Variants in CRIM1 observed in about 807,000 individuals in gnomAD.
CRIM1 encodes cysteine rich transmembrane BMP regulator 1.
Under a neutral mutation model 116.4 loss-of-function variants are expected in CRIM1, and 32 were observed. The observed-to-expected ratio is 0.27, with a 90% CI of 0.21 to 0.37. The LOEUF (loss-of-function observed/expected upper bound fraction) is 0.37. Ranked by LOEUF, CRIM1 falls within the 10% of genes least tolerant of loss-of-function variation. The pLI, the probability that CRIM1 is intolerant of heterozygous loss-of-function variation, is 1.00. For synonymous variants in CRIM1, 590 were observed against 509.2 expected (o/e 1.16, Z -2.13); for missense variants, 1,331 against 1,354.8 (o/e 0.98, Z 0.28).
chr2:36,423,257 G>A lies in CRIM1; in HGVS notation c.506-18001G>A, dbSNP rs72787257. 3.5e-3 allele frequency among the ~76,000 whole-genome samples: 530 copies of A among 152,322 alleles called. 4 individuals are homozygous for A. Among genetic ancestry groups the A allele is most frequent in the Non-Finnish European group, 6.1e-3 (417 of 68,024 alleles). ...CCTATACTGGGGATCCTAAGCTAGA[G>A]TCAGCTTGGACTCGTTGAACCACGT... is the stretch of plus-strand genomic sequence containing the variant. On this transcript the variant is annotated intron_variant, in intron 2 of 16. Transcript: ENST00000280527.
At chr2:36,446,207 C>T (rs1676231296) in intron 4 of CRIM1, among the ~76,000 whole-genome samples, 2 of 152,160 alleles carry the variant, frequency 1.3e-5, no homozygotes, top group African/African-American at 4.8e-5. Flanking sequence ...ATACATTCCT[C>T]CCTCCTTCAT....
chr2:36,543,545 T>TA (rs1667102880), intron 14 of CRIM1, among the ~76,000 whole-genome samples: 1 of 152,202 alleles, frequency 6.6e-6, no homozygotes, highest in South Asian at 2.1e-4. Flanking sequence ...CGAAAGGAAA[T>TA]ACGTGCATGA....
At chr2:36,513,456 T>C (rs1664823976) in intron 10 of CRIM1, 100 bp from the exon 11 acceptor site, 2 of 862,740 alleles carry the variant, frequency 2.3e-6, no homozygotes, top group Admixed American at 1.8e-5. Flanking sequence ...GTGTTAGACG[T>C]AATTGTTGGT....
intron 5 of CRIM1, among the ~76,000 whole-genome samples, chr2:36,465,566 T>G (rs1422197321): frequency 6.6e-6 from 1 of 152,172 alleles, no homozygotes; most frequent in Non-Finnish European, 1.5e-5. Flanking sequence ...CAAGAAAGGT[T>G]ATGTTGCAGT....
In CRIM1 at chr2:36,537,361, T is replaced by C. The variant is rs772303172; in HGVS notation, c.2438T>C (p.Ile813Thr). 1.2e-6 allele frequency: 2 copies of C among 1,614,180 alleles called. No individual in the cohort carries two copies. The highest frequency in any genetic ancestry group is 1.3e-5 in the African/African-American group (1 of 75,058). ...QCCPYCIEDT[I>T]PKKVVCHFSG... ...CTGTTCTTTTCACTAGAAGACACAATTCCAAAGAAGGTGGTGTGCCACTTC... is the reference window on the plus strand; with the variant it reads ...CTGTTCTTTTCACTAGAAGACACAACTCCAAAGAAGGTGGTGTGCCACTTC... Residue 813 changes from isoleucine to threonine, a missense_variant, in exon 14 of 17, where the codon ATT becomes ACT. Coordinates refer to ENST00000280527, the MANE Select transcript of CRIM1 (RefSeq NM_016441.3).
chr2:36,441,144 T>C (rs1675784704), intron 2 of CRIM1, 114 bp from the exon 3 acceptor site: 7 of 1,398,352 alleles, frequency 5.0e-6, no homozygotes, highest in South Asian at 2.7e-5. Flanking sequence ...ACTGAATTTC[T>C]TTCCCTACCG....
chr2:36,537,453 C>G lies in CRIM1; in HGVS notation c.2530C>G (p.Gln844Glu). The change falls in exon 14 of 17, where the codon CAG becomes GAG. Residue 844 changes from glutamine to glutamate, a missense_variant. By Grantham distance (29) the Gln-to-Glu change is conservative. This residue lies in a region of CRIM1 where 283 missense variants were observed against 242.8 expected (regional missense o/e 1.17). Transcript: ENST00000280527. ...CAGCTGCACCCACTGCTACTGCCTG[C>G]AGGGCCAGACCCTCTGCTCGACCGT... is the stretch of plus-strand genomic sequence containing the variant. ...LDSCTHCYCL[Q>E]GQTLCSTVSC... The G allele has an allele frequency of 1.9e-6, 3 of 1,614,250 alleles. No individual in the cohort carries two copies. Among genetic ancestry groups the G allele is most frequent in the Non-Finnish European group, 2.5e-6 (3 of 1,180,044 alleles).
At chr2:36,472,634 A>G (rs765268759) in intron 5 of CRIM1, among the ~76,000 whole-genome samples, 3 of 152,158 alleles carry the variant, frequency 2.0e-5, no homozygotes, top group Non-Finnish European at 2.9e-5. Context: ...ACTTCCTCAG[A>G]TCATGCACCA....
intron 14 of CRIM1, among the ~76,000 whole-genome samples, chr2:36,543,090 G>T (rs1667060192): frequency 6.6e-6 from 1 of 152,094 alleles, no homozygotes; most frequent in Non-Finnish European, 1.5e-5. Flanking sequence ...ATGTTTAAAG[G>T]TTTTATAATA....
At chr2:36,537,019 C>T (rs1010230276) in intron 13 of CRIM1, among the ~76,000 whole-genome samples, 1 of 152,168 alleles carries the variant, frequency 6.6e-6, no homozygotes, top group Non-Finnish European at 1.5e-5. Flanking sequence ...ACAGGAACTT[C>T]TTGAATCCAT....
chr2:36,482,747 A>G (rs1679516198), intron 7 of CRIM1, among the ~76,000 whole-genome samples: 1 of 152,242 alleles, frequency 6.6e-6, no homozygotes, highest in Non-Finnish European at 1.5e-5. Context: ...GTCTCTAGGT[A>G]CATCGTCAGA....
intron 13 of CRIM1, among the ~76,000 whole-genome samples, chr2:36,531,472 A>C (rs571055912): frequency 6.6e-6 from 1 of 151,348 alleles, no homozygotes; most frequent in Admixed American, 6.6e-5. Context: ...GGGCTGTGCC[A>C]CCATCTCAGT....
intron 2 of CRIM1, among the ~76,000 whole-genome samples, chr2:36,421,097 A>G (rs572256017): frequency 2.6e-5 from 4 of 152,368 alleles, no homozygotes; most frequent in East Asian, 3.9e-4. Context: ...TTGGTCCCGC[A>G]TAACTACTGT....
At chr2:36,431,240 T>G (rs889357595) in intron 2 of CRIM1, among the ~76,000 whole-genome samples, 1 of 152,212 alleles carries the variant, frequency 6.6e-6, no homozygotes, top group African/African-American at 2.4e-5. Flanking sequence ...TCTGTGTGTG[T>G]GTATATGTAT....
chr2:36,443,506 T>G (rs1235917968), intron 4 of CRIM1, among the ~76,000 whole-genome samples: 2 of 152,216 alleles, frequency 1.3e-5, no homozygotes, highest in African/African-American at 4.8e-5. Flanking sequence ...CTTTTGCAGG[T>G]CAACAAGCCA....
At chr2:36,493,127 G>A (rs1330272139) in intron 7 of CRIM1, among the ~76,000 whole-genome samples, 2 of 152,176 alleles carry the variant, frequency 1.3e-5, no homozygotes, top group Admixed American at 6.5e-5. Flanking sequence ...AAGAATGTGT[G>A]TGTCTTTAAA....
chr2:36,531,041 G>A (rs1666080508), intron 13 of CRIM1, among the ~76,000 whole-genome samples: 1 of 152,208 alleles, frequency 6.6e-6, no homozygotes, highest in African/African-American at 2.4e-5. Flanking sequence ...TTATAGTACT[G>A]TGTTGGCTTG....
chr2:36,534,095 G>A (rs1316809419), intron 13 of CRIM1, among the ~76,000 whole-genome samples: 6 of 144,084 alleles, frequency 4.2e-5, no homozygotes. Flanking sequence ...GAGGGGAAAG[G>A]AAGGAAGGAG....
chr2:36,393,682 A>T (rs1671797790), intron 1 of CRIM1, among the ~76,000 whole-genome samples: 1 of 152,124 alleles, frequency 6.6e-6, no homozygotes, highest in Admixed American at 6.5e-5. Context: ...CAAAAGAGGT[A>T]ACATCTGAGC....
Sources: gnomAD v4.1 joint callset for allele counts (sites outside exome capture counted in the v4.1 genomes callset) on GRCh38, gnomAD v4.1.1 for gene constraint, gnomAD v4.1.1 regional missense constraint, MANE v1.5 for transcripts, NCBI Gene and HGNC (gene_info 2026-07-23, HGNC 2026-07-21) for gene names.